MACROD2: variants seen among roughly 807,000 people sequenced by gnomAD.
The protein encoded by MACROD2 is ADP-ribose glycohydrolase MACROD2.
Under a neutral mutation model 70.4 loss-of-function variants are expected in MACROD2, and 36 were observed. The ratio of observed to expected loss-of-function variants is 0.51; its 90% CI spans 0.39 to 0.68. The LOEUF is 0.68. Ranked by LOEUF, MACROD2 falls within the 30% of genes least tolerant of loss-of-function variation. The pLI, the probability that MACROD2 is intolerant of heterozygous loss-of-function variation, is 0.00. For missense variants in MACROD2, 496 were observed against 538.4 expected (o/e 0.92, Z 0.78); for synonymous variants, 172 against 178.8 (o/e 0.96, Z 0.30).
chr20:15,078,972 C>G (rs549986823), intron 5 of MACROD2, among the ~76,000 whole-genome samples: 1 of 152,062 alleles, frequency 6.6e-6, no homozygotes, highest in Non-Finnish European at 1.5e-5. Flanking sequence ...TACAGTGAGG[C>G]CTGGCTGTCT....
chr20:14,158,077 A>G (rs1483341231), intron 3 of MACROD2, among the ~76,000 whole-genome samples: 2 of 152,082 alleles, frequency 1.3e-5, no homozygotes, highest in Non-Finnish European at 2.9e-5. Flanking sequence ...TATCCTTGCT[A>G]GCATCTGTTC....
chr20:15,851,071 G>T (rs75433835), intron 8 of MACROD2, among the ~76,000 whole-genome samples: 6,045 of 152,128 alleles, frequency 0.04, 260 homozygotes, highest in East Asian at 0.21. Context: ...GGGAAGAAAA[G>T]AATTCAGATT....
At chr20:15,063,575 A>G (rs2075551077) in intron 5 of MACROD2, among the ~76,000 whole-genome samples, 1 of 152,234 alleles carries the variant, frequency 6.6e-6, no homozygotes. Flanking sequence ...AAAGAAAAGT[A>G]TCAGGCCAGT....
chr20:14,514,465 A>G (rs11698358), intron 4 of MACROD2, among the ~76,000 whole-genome samples: 5,657 of 152,246 alleles, frequency 0.037, 162 homozygotes, highest in Non-Finnish European at 0.058. Context: ...CATCCTAGCC[A>G]CAAGATCAAA....
intron 7 of MACROD2, among the ~76,000 whole-genome samples, chr20:15,441,833 T>A (rs1057119016): frequency 6.6e-6 from 1 of 152,120 alleles, no homozygotes; most frequent in African/African-American, 2.4e-5. Flanking sequence ...ATTTTCTGAA[T>A]AGACGAAACA....
At chr20:15,536,022 T>G (rs2047869984) in intron 8 of MACROD2, among the ~76,000 whole-genome samples, 1 of 152,158 alleles carries the variant, frequency 6.6e-6, no homozygotes, top group Non-Finnish European at 1.5e-5. Context: ...TCATGGCATT[T>G]TATTTATTGT....
intron 7 of MACROD2, among the ~76,000 whole-genome samples, chr20:15,439,404 A>G (rs1280178074): frequency 6.6e-6 from 1 of 152,228 alleles, no homozygotes; most frequent in Admixed American, 6.5e-5. Context: ...ATTTTATAAC[A>G]GGATAATTTC....
At chr20:14,406,938 T>G (rs2083696641) in intron 3 of MACROD2, among the ~76,000 whole-genome samples, 2 of 152,186 alleles carry the variant, frequency 1.3e-5, no homozygotes, top group Admixed American at 6.5e-5. Flanking sequence ...CAAAGAGCCT[T>G]TCTTGGAATG....
intron 2 of MACROD2, among the ~76,000 whole-genome samples, chr20:14,053,845 A>G (rs1401276438): frequency 6.6e-5 from 10 of 152,122 alleles, no homozygotes; most frequent in African/African-American, 2.4e-4. Flanking sequence ...AACAGACCTT[A>G]TATTAGTGCA....
At chr20:15,857,910 A>T (rs987801911) in intron 8 of MACROD2, among the ~76,000 whole-genome samples, 6 of 152,206 alleles carry the variant, frequency 3.9e-5, no homozygotes, top group Non-Finnish European at 7.3e-5. Flanking sequence ...GATATCACAG[A>T]AAAAACAAAC....
intron 3 of MACROD2, among the ~76,000 whole-genome samples, chr20:14,294,950 C>T (rs1029248394): frequency 6.6e-6 from 1 of 151,544 alleles, no homozygotes; most frequent in African/African-American, 2.4e-5. Context: ...GTGTCAGAAA[C>T]ACTACTTCTG....
At chr20:14,042,631 C>T (rs533179724) in intron 2 of MACROD2, among the ~76,000 whole-genome samples, 17 of 152,290 alleles carry the variant, frequency 1.1e-4, no homozygotes, top group Admixed American at 7.8e-4. Context: ...GCTTCAGTAG[C>T]TGGGAATACA....
intron 4 of MACROD2, among the ~76,000 whole-genome samples, chr20:14,605,292 G>A (rs1242937004): frequency 6.6e-6 from 1 of 152,126 alleles, no homozygotes; most frequent in African/African-American, 2.4e-5. Context: ...TCTGTTCCAT[G>A]CTGGTCCCCT....
At chr20:15,742,686 G>T in intron 8 of MACROD2, among the ~76,000 whole-genome samples, 1 of 152,182 alleles carries the variant, frequency 6.6e-6, no homozygotes, top group East Asian at 1.9e-4. Context: ...CCTGCCTTTT[G>T]ACCTCAACTA....
chr20:14,497,283 A>C (rs2084864809), intron 4 of MACROD2, among the ~76,000 whole-genome samples: 1 of 151,732 alleles, frequency 6.6e-6, no homozygotes. Context: ...TGTGCATTTG[A>C]GATTCAGTCT....
In MACROD2 at chr20:15,030,686, T is replaced by C. The variant is rs752633325; in HGVS notation, c.419-199254T>C. Among the ~76,000 whole-genome samples the C allele has an allele frequency of 7.9e-5, 12 of 152,180 alleles. 1 individual carries two copies. Among genetic ancestry groups the C allele is most frequent in the Middle Eastern group, 6.8e-3 (2 of 294 alleles). ...ATAGACAGATAGATAGATAGATAGA[T>C]AGTCTAGGGAGTATGGCAGAGATTC... On this transcript the variant is annotated intron_variant, in intron 5 of 17. Transcript: ENST00000684519.
chr20:15,245,162 C>G (rs1471337139), intron 6 of MACROD2, among the ~76,000 whole-genome samples: 1 of 152,198 alleles, frequency 6.6e-6, no homozygotes, highest in Non-Finnish European at 1.5e-5. Context: ...ACACATTTAA[C>G]TGCTTTGGTT....
intron 8 of MACROD2, among the ~76,000 whole-genome samples, chr20:15,599,848 C>T (rs1287312152): frequency 6.6e-6 from 1 of 152,146 alleles, no homozygotes; most frequent in Non-Finnish European, 1.5e-5. Context: ...CCACAGAACT[C>T]CAATTAATCA....
At chr20:14,372,057 C>T (rs112844923) in intron 3 of MACROD2, among the ~76,000 whole-genome samples, 1 of 151,964 alleles carries the variant, frequency 6.6e-6, no homozygotes, top group Non-Finnish European at 1.5e-5. Flanking sequence ...TTTCCTGGTC[C>T]GTGAGGGCAG....
Sources: gnomAD v4.1 joint callset for allele counts (sites outside exome capture counted in the v4.1 genomes callset) on GRCh38, gnomAD v4.1.1 for gene constraint, MANE v1.5 for transcripts, NCBI Gene and HGNC (gene_info 2026-07-23, HGNC 2026-07-21) for gene names.